GNL3L: variants seen among roughly 807,000 people sequenced by gnomAD.
GNL3L encodes the protein guanine nucleotide-binding protein-like 3-like protein.
A neutral mutation model predicts 42.9 loss-of-function variants in GNL3L; 4 were observed. The observed-to-expected ratio is 0.09, with a 90% confidence interval of 0.05 to 0.21. GNL3L has a LOEUF of 0.21. GNL3L is among the 10% of genes least tolerant of loss of function. The pLI is 1.00. For missense variants in GNL3L, 412 were observed against 481.7 expected, an observed-to-expected ratio of 0.86 and a Z score of 1.36; for synonymous variants, 159 against 176.3, an observed-to-expected ratio of 0.90 and a Z score of 0.78.
At chrX:54,548,986 T>C (rs1319947203) in intron 9 of GNL3L, among the ~76,000 whole-genome samples, 1 of 110,749 alleles carries the variant, frequency 9.0e-6, no homozygotes, top group Non-Finnish European at 1.9e-5. Flanking sequence ...ATTTACATGA[T>C]GGAGGCATGT....
At chrX:54,637,494 T>C in the GNL3L span, among the ~76,000 whole-genome samples, 1 of 111,980 alleles carries the variant, frequency 8.9e-6, no homozygotes, top group South Asian at 3.6e-4. Context: ...CACACACATA[T>C]ATATCTCACT....
At chrX:54,580,172 C>T (rs1489693607) in intron 16 of GNL3L, among the ~76,000 whole-genome samples, 1 of 74,622 alleles carries the variant, frequency 1.3e-5, no homozygotes, top group Non-Finnish European at 2.4e-5. Context: ...CAACAGGCCC[C>T]GGTGTGTGAT....
the GNL3L span, among the ~76,000 whole-genome samples, chrX:54,644,010 A>T: frequency 1.8e-5 from 2 of 112,311 alleles, no homozygotes; most frequent in African/African-American, 6.5e-5. Context: ...TTATCAATTC[A>T]TCCGTTGATG....
chrX:54,625,616 G>T (rs981616658), downstream of GNL3L, among the ~76,000 whole-genome samples: 2 of 110,618 alleles, frequency 1.8e-5, no homozygotes, highest in Admixed American at 1.9e-4. Context: ...AGGGATATTG[G>T]TCGGTAATAT....
chrX:54,572,994 C>T (rs1225050469), intron 16 of GNL3L, among the ~76,000 whole-genome samples: 2 of 108,649 alleles, frequency 1.8e-5, no homozygotes, highest in South Asian at 4.1e-4. Flanking sequence ...TGATGGCGGC[C>T]GGGAAGAGGC....
intron 10 of GNL3L, 99 bp downstream of exon 10, chrX:54,551,149 C>A: frequency 1.8e-6 from 1 of 544,026 alleles, no homozygotes. Flanking sequence ...TTATCATGGA[C>A]CATCCCCTGA....
chrX:54,579,094 T>A (rs1323919994), intron 16 of GNL3L, among the ~76,000 whole-genome samples: 1 of 112,221 alleles, frequency 8.9e-6, no homozygotes, highest in Non-Finnish European at 1.9e-5. Context: ...GTTTTGTGAA[T>A]TATTTATATA....
chrX:54,638,371 G>A, the GNL3L span, among the ~76,000 whole-genome samples: 5 of 112,132 alleles, frequency 4.5e-5, no homozygotes, highest in African/African-American at 1.6e-4. Flanking sequence ...CTGATACAGT[G>A]TAAGTGCTCA....
chrX:54,594,241 C>G (rs1053699251), intron 16 of GNL3L, among the ~76,000 whole-genome samples: 5 of 111,360 alleles, frequency 4.5e-5, no homozygotes, highest in Admixed American at 9.6e-5. Flanking sequence ...GTCTATCTGT[C>G]TTTTTTAGCT....
intron 16 of GNL3L, among the ~76,000 whole-genome samples, chrX:54,609,415 T>C (rs1193220925): frequency 8.9e-6 from 1 of 112,632 alleles, no homozygotes; most frequent in Non-Finnish European, 1.9e-5. Context: ...GTCCATGAAA[T>C]CCTTGCCTAA....
At chrX:54,602,396 C>T (rs1256809542) in intron 16 of GNL3L, among the ~76,000 whole-genome samples, 1 of 110,978 alleles carries the variant, frequency 9.0e-6, no homozygotes, top group Non-Finnish European at 1.9e-5. Context: ...CAAGTGTCTG[C>T]TTGGGTCTTT....
chrX:54,542,708 C>G (rs1223653724), intron 5 of GNL3L, among the ~76,000 whole-genome samples: 1 of 111,734 alleles, frequency 8.9e-6, no homozygotes, highest in Admixed American at 9.5e-5. Flanking sequence ...GTTTCCAGTC[C>G]CACCAACAGT....
At chrX:54,581,418 G>A (rs1481224619) in intron 16 of GNL3L, among the ~76,000 whole-genome samples, 1 of 110,769 alleles carries the variant, frequency 9.0e-6, no homozygotes, top group Non-Finnish European at 1.9e-5. Context: ...ATTATTTTTT[G>A]TAGAGATGGG....
Position 54,563,269 on chromosome X carries a change from A to C in GNL3L, c.*2667A>C, listed in dbSNP as rs1019951523. The stretch of plus-strand genomic sequence containing the variant: ...GATGTGGGATTTTTGGTGGAAAAGC[A>C]GTATACATTCAGAATGCACCTCTAC... On this transcript the variant is annotated 3_prime_UTR_variant, in exon 16 of 16. Transcript: ENST00000360845. 9.0e-6 allele frequency among the ~76,000 whole-genome samples: 1 copy of C among 111,675 alleles called. No homozygotes were observed. The highest frequency in any genetic ancestry group is 3.3e-5 in the African/African-American group (1 of 30,752).
At chrX:54,605,454 C>T (rs1926048243) in intron 16 of GNL3L, among the ~76,000 whole-genome samples, 1 of 111,406 alleles carries the variant, frequency 9.0e-6, no homozygotes, top group South Asian at 3.8e-4. Flanking sequence ...CCAAACTTGG[C>T]CCCATCTTCG....
At position 54,606,725 on chromosome X, in the gene GNL3L, C is replaced by G. The variant is rs373988539; in HGVS notation, c.*46-14120C>G. Among the ~76,000 whole-genome samples, 100 of 107,730 alleles carry G rather than the reference C, an allele frequency of 9.3e-4. 2 individuals carry two copies. The South Asian group carries it at 0.041, about 44-fold the overall frequency. 93.6% of individuals were successfully genotyped at this position (107,730 alleles called of 115,157 possible). A position where few individuals can be genotyped will look rare whatever the true frequency, so the allele number is the denominator to read the frequency against. ...GTGCGCTCTTGGCTCACTGTAGTCTCTGCCTCCTGGGCTCAAGTGATCCTT... is the reference window on the plus strand; with the variant it reads ...GTGCGCTCTTGGCTCACTGTAGTCTGTGCCTCCTGGGCTCAAGTGATCCTT... On this transcript the variant is annotated intron_variant, in intron 16 of 16. Transcript: ENST00000674498.
At chrX:54,609,206 G>GT (rs1195020616) in intron 16 of GNL3L, among the ~76,000 whole-genome samples, 1 of 111,509 alleles carries the variant, frequency 9.0e-6, no homozygotes, top group Non-Finnish European at 1.9e-5. Flanking sequence ...TGGATTATTT[G>GT]TTTTTTTCTT....
chrX:54,569,370 A>G (rs1925512980), downstream of GNL3L, among the ~76,000 whole-genome samples: 1 of 111,767 alleles, frequency 8.9e-6, no homozygotes. Context: ...TTTAAAATAT[A>G]TATAGGGCTA....
intron 8 of GNL3L, among the ~76,000 whole-genome samples, chrX:54,547,845 G>A (rs749452411): frequency 3.4e-3 from 379 of 112,143 alleles, no homozygotes; most frequent in African/African-American, 0.011. Flanking sequence ...TCATCCCTGC[G>A]CAGGCAGGGA....
Sources: allele counts gnomAD v4.1 joint callset (sites outside exome capture counted in the v4.1 genomes callset), GRCh38; gene constraint gnomAD v4.1.1; transcripts MANE v1.5; gene names NCBI Gene and HGNC (gene_info 2026-07-23, HGNC 2026-07-21).